The following ELAPOR2 variants were observed in gnomAD, a reference collection of about 807,000 sequenced individuals.
ELAPOR2 encodes endosome-lysosome associated apoptosis and autophagy regulator family member 2, also known as endosome/lysosome-associated apoptosis and autophagy regulator family member 2.
In ELAPOR2, 89 loss-of-function variants were observed where a neutral mutation model predicts 120.7. That is an observed-to-expected ratio of 0.74 (90% confidence interval 0.62 to 0.88). ELAPOR2 has a LOEUF of 0.88. Ranked by LOEUF, ELAPOR2 falls within the 40% of genes least tolerant of loss-of-function variation. The pLI, the probability that ELAPOR2 is intolerant of heterozygous loss-of-function variation, is 0.00. For missense variants in ELAPOR2, 1,134 were observed against 1,251.6 expected (o/e 0.91, Z 1.42); for synonymous variants, 444 against 444.9 (o/e 1.00, Z 0.03).
chr7:86,926,605 C>A, intron 9 of ELAPOR2, 131 bp downstream of exon 9: 1 of 801,806 alleles, frequency 1.2e-6, no homozygotes, highest in Middle Eastern at 3.1e-4. Flanking sequence ...CAGTTGACTG[C>A]AATTTTTGTC....
intron 5 of ELAPOR2, chr7:86,941,262 A>C (rs1790783483): frequency 2.0e-6 from 1 of 506,296 alleles, no homozygotes; most frequent in Non-Finnish European, 4.1e-6. Flanking sequence ...AAGAAACACA[A>C]CTATAAACCG....
At chr7:87,016,615 T>C (rs1418908144) in intron 1 of ELAPOR2, among the ~76,000 whole-genome samples, 3 of 150,874 alleles carry the variant, frequency 2.0e-5, no homozygotes, top group Admixed American at 2.0e-4. Context: ...CTGACCATAC[T>C]GAAGTATTTG....
chr7:87,039,381 G>A (rs189908940), intron 1 of ELAPOR2, among the ~76,000 whole-genome samples: 145 of 152,138 alleles, frequency 9.5e-4, no homozygotes, highest in Non-Finnish European at 1.6e-3. Context: ...AAACCCAAGA[G>A]GAGAGAATAC....
chr7:86,951,105 C>T (rs1004039838), intron 2 of ELAPOR2, among the ~76,000 whole-genome samples: 3 of 152,148 alleles, frequency 2.0e-5, no homozygotes, highest in African/African-American at 7.2e-5. Flanking sequence ...GAGCAAACTA[C>T]AACCTGCAGG....
rs1788256698 is a variant in ELAPOR2 at position 86,893,093 on chromosome 7, A to G, written c.2693T>C (p.Leu898Ser). 2 of 1,533,774 alleles carry G rather than the reference A, an allele frequency of 1.3e-6. No homozygotes were observed. Among genetic ancestry groups the G allele is most frequent in the African/African-American group, 2.9e-5 (2 of 68,922 alleles). ...CCATTTAGGTTCATTCCACACATAC[A>G]AGGTTTCCTTTAAAAAAAAAAACAT... The part of the protein sequence containing the change: ...GACKRGFQET[L>S]YVWNEPKWCI... Residue 898 changes from leucine (L) to serine (S), a missense_variant, in exon 20 of 22, where the codon TTG becomes TCG. By Grantham distance (145) the Leu-to-Ser change is moderately radical. This residue lies in a region of ELAPOR2 where 831 missense variants were observed against 867.6 expected (regional missense o/e 0.96). Coordinates refer to ENST00000450689, the MANE Select transcript of ELAPOR2 (RefSeq NM_001142749.3).
At chr7:86,962,762 A>G (rs1266684035) in intron 2 of ELAPOR2, among the ~76,000 whole-genome samples, 2 of 152,248 alleles carry the variant, frequency 1.3e-5, no homozygotes, top group Non-Finnish European at 2.9e-5. Context: ...AGCTCTAAGC[A>G]CAATGTTTGG....
At chr7:86,913,290 T>A in intron 13 of ELAPOR2, 86 bp from the exon 14 acceptor site, 1 of 1,306,354 alleles carries the variant, frequency 7.7e-7, no homozygotes, top group Non-Finnish European at 1.1e-6. Flanking sequence ...ATCATCAAAA[T>A]AACTAAATAG....
At chr7:87,035,515 C>T (rs1246258933) in intron 1 of ELAPOR2, among the ~76,000 whole-genome samples, 4 of 152,192 alleles carry the variant, frequency 2.6e-5, no homozygotes. Flanking sequence ...CTAAGCTAAA[C>T]AACCCCATTT....
rs550491822 is a variant in ELAPOR2, at chr7:86,955,528, T to C, written c.311-7606A>G. On this transcript the variant is annotated intron_variant, in intron 2 of 21. Coordinates refer to ENST00000450689, the MANE Select transcript of ELAPOR2 (RefSeq NM_001142749.3). Reference sequence around the variant, plus strand: ...AAGGAAGGTAACACTGTCCAAATACTAATAGTGGCAGACATTGCAATATTC... The same window carrying C: ...AAGGAAGGTAACACTGTCCAAATACCAATAGTGGCAGACATTGCAATATTC... 3.9e-5 allele frequency among the ~76,000 whole-genome samples: 6 copies of C among 152,218 alleles called. No individual in the cohort carries two copies. The South Asian group carries it at 1.2e-3, about 32-fold the overall frequency.
chr7:87,011,262 A>AG (rs568741458), intron 1 of ELAPOR2, among the ~76,000 whole-genome samples: 9,971 of 147,528 alleles, frequency 0.068, 428 homozygotes, highest in Admixed American at 0.1. Flanking sequence ...AAAAAAAAAA[A>AG]AAAAAAGAAA....
chr7:86,880,391 G>C lies in ELAPOR2; in HGVS notation c.*80C>G. 9.8e-7 allele frequency: 1 copy of C among 1,021,922 alleles called. No homozygotes were observed. Among genetic ancestry groups the C allele is most frequent in the Non-Finnish European group, 1.5e-6 (1 of 645,922 alleles). The allele number at this position is 1,021,922 out of a possible 1,614,324, so 63.3% of individuals were successfully genotyped here. A position where few individuals can be genotyped will look rare whatever the true frequency, so the allele number is the denominator to read the frequency against. ...GAGATCACCAATGTGACAGGTATGA[G>C]GACAGACCCTAAAATATGGTCCTGT... is the stretch of plus-strand genomic sequence containing the variant. On this transcript the variant is annotated 3_prime_UTR_variant, in exon 22 of 22. Transcript: ENST00000450689.
intron 21 of ELAPOR2, among the ~76,000 whole-genome samples, chr7:86,885,038 C>T (rs1240982572): frequency 1.3e-5 from 2 of 152,008 alleles, no homozygotes; most frequent in African/African-American, 4.8e-5. Context: ...GGGTTTACAA[C>T]GCGGAAGAAG....
chr7:86,917,531 A>C (rs773043127), intron 12 of ELAPOR2, among the ~76,000 whole-genome samples: 1 of 152,230 alleles, frequency 6.6e-6, no homozygotes, highest in Non-Finnish European at 1.5e-5. Flanking sequence ...TCTGCATTTC[A>C]GCAATGGCAC....
intron 1 of ELAPOR2, among the ~76,000 whole-genome samples, chr7:86,986,376 C>T (rs1792737077): frequency 2.7e-5 from 3 of 112,480 alleles, no homozygotes; most frequent in African/African-American, 4.2e-5. Context: ...TTGCAGTGAG[C>T]CGAGATCCCG....
At chr7:86,939,309 T>C (rs1319633800) in intron 6 of ELAPOR2, among the ~76,000 whole-genome samples, 6 of 152,084 alleles carry the variant, frequency 3.9e-5, no homozygotes, top group African/African-American at 1.2e-4. Flanking sequence ...CTGTTCCCTT[T>C]TTTTTCCACT....
rs1799291182 is a variant in ELAPOR2, at chr7:86,879,328, T to C, written c.*1143A>G. 6.6e-6 allele frequency: 1 copy of C among 152,200 alleles called. No homozygotes were observed. Among genetic ancestry groups the C allele is most frequent in the African/African-American group, 2.4e-5 (1 of 41,458 alleles). The allele number at this position is 152,200 out of a possible 1,614,324, so 9.4% of individuals were successfully genotyped here. ...ATATCACAATTATCTGGATCACTTT[T>C]GAATAAGAACAATAATTCTTTCATA... On this transcript the variant is annotated 3_prime_UTR_variant, in exon 22 of 22. Transcript: ENST00000450689.
intron 1 of ELAPOR2, among the ~76,000 whole-genome samples, chr7:86,997,519 T>A (rs78207286): frequency 5.6e-4 from 86 of 152,294 alleles, no homozygotes; most frequent in African/African-American, 2.0e-3. Flanking sequence ...TATCCACCAA[T>A]TTCTCCATAC....
chr7:86,940,013 C>T lies in ELAPOR2; in HGVS notation c.844G>A (p.Glu282Lys), dbSNP rs1790738152. ...KPVLVKNITI[E>K]GVAYTSECFP... ...AAAACAGAATGCCATGAAATACCTTCAATTGTGATATTTTTTACCAGCACA... is the reference window on the plus strand; with the variant it reads ...AAAACAGAATGCCATGAAATACCTTTAATTGTGATATTTTTTACCAGCACA... The change falls in exon 6 of 22, where the codon GAA becomes AAA. Residue 282 changes from glutamate to lysine, a missense_variant. Physicochemically the swap from Glu to Lys is moderately conservative, Grantham distance 56. Around this residue, in one of 3 missense-constraint regions of ELAPOR2, gnomAD observed 23 missense variants for 52.4 expected, o/e 0.44. Transcript: ENST00000450689. 1 of 1,590,598 alleles carries T rather than the reference C, an allele frequency of 6.3e-7. No individual in the cohort carries two copies. The highest frequency in any genetic ancestry group is 8.6e-7 in the Non-Finnish European group (1 of 1,161,104).
chr7:86,951,077 G>A (rs534868281), intron 2 of ELAPOR2, among the ~76,000 whole-genome samples: 9 of 152,290 alleles, frequency 5.9e-5, no homozygotes, highest in African/African-American at 2.2e-4. Context: ...AGACCCTACA[G>A]TACATTAAAT....
Sources: allele counts gnomAD v4.1 joint callset (sites outside exome capture counted in the v4.1 genomes callset), GRCh38; gene constraint gnomAD v4.1.1; regional missense constraint gnomAD v4.1.1; transcripts MANE v1.5; gene names NCBI Gene and HGNC (gene_info 2026-07-23, HGNC 2026-07-21).